The following PLCL2 variants were observed in gnomAD, a reference collection of about 807,000 sequenced individuals.
PLCL2 encodes the protein inactive phospholipase C-like protein 2.
Under a neutral mutation model 79.6 loss-of-function variants are expected in PLCL2, and 4 were observed. The ratio of observed to expected loss-of-function variants is 0.05; its 90% confidence interval spans 0.02 to 0.11. The LOEUF (loss-of-function observed/expected upper bound fraction) is 0.11. PLCL2 is among the 10% of genes least tolerant of loss of function. The pLI is 1.00. For missense variants in PLCL2, 895 were observed against 1,291.0 expected (o/e 0.69, Z 4.70); for synonymous variants, 484 against 457.7 (o/e 1.06, Z -0.73).
intron 1 of PLCL2, among the ~76,000 whole-genome samples, chr3:16,987,445 G>A (rs2064062149): frequency 6.6e-6 from 1 of 152,014 alleles, no homozygotes; most frequent in Non-Finnish European, 1.5e-5. Flanking sequence ...ACAAGTTAAG[G>A]TAGAAAACTA....
intron 1 of PLCL2, among the ~76,000 whole-genome samples, chr3:16,898,793 T>C (rs1295544577): frequency 1.3e-5 from 2 of 152,224 alleles, no homozygotes; most frequent in African/African-American, 4.8e-5. Context: ...ACGGGATCTA[T>C]TAGTTATGTT....
chr3:17,086,402 C>T (rs2065220952), intron 5 of PLCL2, among the ~76,000 whole-genome samples: 1 of 152,170 alleles, frequency 6.6e-6, no homozygotes, highest in Admixed American at 6.5e-5. Flanking sequence ...TCAGTCTAGG[C>T]ACAAATCTTA....
At chr3:16,942,575 A>T (rs1275391180) in intron 1 of PLCL2, among the ~76,000 whole-genome samples, 2 of 152,196 alleles carry the variant, frequency 1.3e-5, no homozygotes, top group East Asian at 3.9e-4. Flanking sequence ...CTTCTGTCCT[A>T]GCAGGGAGCC....
At chr3:16,931,095 C>T (rs1559489179) in intron 1 of PLCL2, among the ~76,000 whole-genome samples, 1 of 152,026 alleles carries the variant, frequency 6.6e-6, no homozygotes, top group African/African-American at 2.4e-5. Context: ...CTTGGCAAGC[C>T]ATTCCTCTCT....
At chr3:17,060,540 G>A (rs972447275) in intron 4 of PLCL2, among the ~76,000 whole-genome samples, 5 of 152,156 alleles carry the variant, frequency 3.3e-5, no homozygotes, top group Non-Finnish European at 5.9e-5. Context: ...CAGGTAGGCC[G>A]CACACCCAAA....
intron 3 of PLCL2, among the ~76,000 whole-genome samples, chr3:17,026,539 A>G (rs1232175480): frequency 1.3e-5 from 2 of 152,258 alleles, no homozygotes; most frequent in East Asian, 1.9e-4. Flanking sequence ...AGATGGGGCC[A>G]TACCATCATT....
At chr3:17,037,138 G>A (rs1428626663) in intron 3 of PLCL2, among the ~76,000 whole-genome samples, 3 of 152,184 alleles carry the variant, frequency 2.0e-5, no homozygotes, top group African/African-American at 7.2e-5. Context: ...CCTTATCCAT[G>A]ATCACATTTA....
intron 1 of PLCL2, among the ~76,000 whole-genome samples, chr3:16,944,642 C>T (rs914169968): frequency 6.6e-6 from 1 of 152,112 alleles, no homozygotes; most frequent in Non-Finnish European, 1.5e-5. Context: ...GGAGAGAGGC[C>T]TGGGAAGAAA....
At chr3:17,060,861 A>C (rs969572851) in intron 4 of PLCL2, among the ~76,000 whole-genome samples, 37 of 152,108 alleles carry the variant, frequency 2.4e-4, no homozygotes, top group African/African-American at 8.9e-4. Context: ...AAATATAAAT[A>C]TATATTTTGT....
At chr3:16,979,420 G>A (rs1361832045) in intron 1 of PLCL2, among the ~76,000 whole-genome samples, 1 of 121,494 alleles carries the variant, frequency 8.2e-6, no homozygotes, top group Non-Finnish European at 1.7e-5. Context: ...CAATAGTGGA[G>A]GGAAGGTCAG....
chr3:17,025,938 C>T (rs1257366859), intron 3 of PLCL2, among the ~76,000 whole-genome samples: 1 of 152,184 alleles, frequency 6.6e-6, no homozygotes, highest in Non-Finnish European at 1.5e-5. Flanking sequence ...CAGAGCAGCG[C>T]ACGTGTCTGG....
Position 16,887,356 on chromosome 3 carries a change from G to C in PLCL2, c.327+1990G>C, listed in dbSNP as rs1444970668. Among the ~76,000 whole-genome samples the C allele has an allele frequency of 1.3e-5, 2 of 152,208 alleles. No individual in the cohort carries two copies. Among genetic ancestry groups the C allele is most frequent in the Non-Finnish European group, 2.9e-5 (2 of 68,024 alleles). ...ATAAATTGCTTATTGAATGAATGGA[G>C]AAAGTACATGTTTTCTCTGAGTTCT... On this transcript the variant is annotated intron_variant, in intron 1 of 5. Coordinates refer to ENST00000615277, the MANE Select transcript of PLCL2 (RefSeq NM_001144382.2). The surrounding 1 kb of genome is among the most constrained non-coding windows in gnomAD (Gnocchi z 4.1).
rs747396140 is a variant in PLCL2 at position 16,885,220 on chromosome 3, C to T, written c.181C>T (p.Leu61Phe). The T allele has an allele frequency of 1.6e-4, 105 of 660,506 alleles. 1 individual carries two copies. Among genetic ancestry groups the T allele is most frequent in the Non-Finnish European group, 2.6e-4 (95 of 365,602 alleles). The allele number at this position is 660,506 out of a possible 1,614,324, so 40.9% of individuals were successfully genotyped here. A position where few individuals can be genotyped will look rare whatever the true frequency, so the allele number is the denominator to read the frequency against. ...CGGGGTTTCCAACGGAGACTGCAGC[C>T]TCGGCGTGTCCGGGGACGAAGCCCG... ...SGGVSNGDCSLGVSGDEARAS... is the reference protein window; with the variant it reads ...SGGVSNGDCSFGVSGDEARAS... The change falls in exon 1 of 6, where the codon CTC (leucine) becomes TTC (phenylalanine). Residue 61 changes from leucine to phenylalanine, a missense_variant. Leu to Phe is a conservative substitution (Grantham distance 22, BLOSUM62 0). Transcript: ENST00000615277.
intron 1 of PLCL2, among the ~76,000 whole-genome samples, chr3:16,994,022 T>G (rs2064128784): frequency 6.6e-6 from 1 of 152,228 alleles, no homozygotes; most frequent in South Asian, 2.1e-4. Flanking sequence ...TAGATGGGAC[T>G]TAACAGCAGT....
chr3:16,993,075 C>A (rs559821921), intron 1 of PLCL2, among the ~76,000 whole-genome samples: 57 of 152,248 alleles, frequency 3.7e-4, no homozygotes, highest in African/African-American at 1.3e-3. Flanking sequence ...TGCCTGACTG[C>A]CAGTCAGGAT....
At chr3:16,939,118 A>G (rs1486516778) in intron 1 of PLCL2, among the ~76,000 whole-genome samples, 2 of 152,080 alleles carry the variant, frequency 1.3e-5, no homozygotes, top group African/African-American at 4.8e-5. Context: ...TGTTGAAAGT[A>G]CAATTCTCCC....
At chr3:16,982,366 A>G (rs1233177878) in intron 1 of PLCL2, among the ~76,000 whole-genome samples, 1 of 152,222 alleles carries the variant, frequency 6.6e-6, no homozygotes, top group East Asian at 1.9e-4. Flanking sequence ...CACAGTGTTC[A>G]AGTGACTTGC....
intron 1 of PLCL2, among the ~76,000 whole-genome samples, chr3:16,981,122 C>G (rs565310915): frequency 6.7e-6 from 1 of 150,090 alleles, no homozygotes; most frequent in Non-Finnish European, 1.5e-5. Flanking sequence ...AGAGGGAGAC[C>G]GTGGAAAGAG....
chr3:17,080,295 G>A (rs145242368), intron 5 of PLCL2, among the ~76,000 whole-genome samples: 4 of 152,294 alleles, frequency 2.6e-5, no homozygotes, highest in South Asian at 2.1e-4. Flanking sequence ...AGACTTCAGT[G>A]GGAAGTGGAC....
Sources: allele counts gnomAD v4.1 joint callset (sites outside exome capture counted in the v4.1 genomes callset), GRCh38; gene constraint gnomAD v4.1.1; non-coding constraint Gnocchi (gnomAD v3.1); transcripts MANE v1.5; gene names NCBI Gene and HGNC (gene_info 2026-07-23, HGNC 2026-07-21).